Variants in NTRK2 observed in about 807,000 individuals in gnomAD.
The protein encoded by NTRK2 is BDNF/NT-3 growth factors receptor.
Under a neutral mutation model 94.5 loss-of-function variants are expected in NTRK2, and 13 were observed. The ratio of observed to expected loss-of-function variants is 0.14; its 90% CI spans 0.09 to 0.22. NTRK2 has a LOEUF of 0.22. Ranked by LOEUF, NTRK2 falls within the 10% of genes least tolerant of loss-of-function variation. The pLI is 1.00. For missense variants in NTRK2, 639 were observed against 1,071.2 expected, an observed-to-expected ratio of 0.60 and a Z score of 5.63; for synonymous variants, 372 against 407.4, an observed-to-expected ratio of 0.91 and a Z score of 1.05.
chr9:84,877,852 C>T, intron 14 of NTRK2: 6 of 1,038,064 alleles, frequency 5.8e-6, no homozygotes, highest in Non-Finnish European at 7.0e-6. Flanking sequence ...TGTAGTTGAT[C>T]ATTCAGAGCC....
At chr9:84,749,092 G>C (rs993610875) in intron 11 of NTRK2, among the ~76,000 whole-genome samples, 2 of 152,160 alleles carry the variant, frequency 1.3e-5, no homozygotes, top group African/African-American at 4.8e-5. Context: ...GCCAGGTGTG[G>C]TGGCACATGC....
At chr9:84,770,061 GT>G (rs2066389981) in intron 12 of NTRK2, among the ~76,000 whole-genome samples, 1 of 151,816 alleles carries the variant, frequency 6.6e-6, no homozygotes, top group Admixed American at 6.6e-5. Context: ...TTCTGCATAT[GT>G]TTGCTTCTGA....
intron 14 of NTRK2, among the ~76,000 whole-genome samples, chr9:84,928,319 C>T (rs1370257127): frequency 6.6e-6 from 1 of 152,140 alleles, no homozygotes; most frequent in African/African-American, 2.4e-5. Flanking sequence ...TATTTTATAT[C>T]AAGTTCAAGC....
chr9:84,929,310 C>G (rs1024264307), intron 14 of NTRK2, among the ~76,000 whole-genome samples: 2 of 152,146 alleles, frequency 1.3e-5, no homozygotes, highest in African/African-American at 4.8e-5. Context: ...TTCTGGCACT[C>G]ATGGGACAAA....
chr9:84,882,726 G>A lies in NTRK2; in HGVS notation c.1633+15295G>A, dbSNP rs574531892. 7.3e-5 allele frequency among the ~76,000 whole-genome samples: 11 copies of A among 151,624 alleles called. 1 individual carries two copies. Among genetic ancestry groups the A allele is most frequent in the Middle Eastern group, 6.8e-3 (2 of 294 alleles). On this transcript the variant is annotated intron_variant, in intron 14 of 18. Coordinates refer to ENST00000277120, the MANE Select transcript of NTRK2 (RefSeq NM_006180.6). Reference sequence around the variant, plus strand: ...TGTGTGTGTGTGTGTGTGTGCGCGCGCGCGCGCATGTGTGCATTATAATAA... The same window carrying A: ...TGTGTGTGTGTGTGTGTGTGCGCGCACGCGCGCATGTGTGCATTATAATAA...
intron 18 of NTRK2, 77 bp downstream of exon 18, chr9:85,020,441 G>T (rs2117959452): frequency 1.3e-6 from 2 of 1,511,260 alleles, no homozygotes; most frequent in South Asian, 2.3e-5. Flanking sequence ...CCTTGTTTTG[G>T]GTTGGAAGAC....
At chr9:84,940,018 C>G (rs111955088) in intron 15 of NTRK2, among the ~76,000 whole-genome samples, 2 of 152,172 alleles carry the variant, frequency 1.3e-5, no homozygotes, top group Non-Finnish European at 2.9e-5. Context: ...AGGGATGACT[C>G]CTATTGGCTT....
chr9:84,752,786 C>A (rs2064755144), intron 12 of NTRK2, among the ~76,000 whole-genome samples: 1 of 151,996 alleles, frequency 6.6e-6, no homozygotes, highest in African/African-American at 2.4e-5. Context: ...GATTTAAAAC[C>A]ATTTGCTCTG....
chr9:84,900,486 GA>G (rs1187541706), intron 14 of NTRK2, among the ~76,000 whole-genome samples: 1 of 152,160 alleles, frequency 6.6e-6, no homozygotes, highest in Admixed American at 6.5e-5. Flanking sequence ...GAAACCCCAT[GA>G]AAAGTACTGA....
chr9:84,692,886 G>A (rs1465490790), intron 2 of NTRK2, among the ~76,000 whole-genome samples: 1 of 152,130 alleles, frequency 6.6e-6, no homozygotes, highest in Non-Finnish European at 1.5e-5. Flanking sequence ...ATTAGTTGGA[G>A]CATTAAAGTC....
chr9:84,771,424 G>C (rs1278283675), intron 12 of NTRK2, among the ~76,000 whole-genome samples: 1 of 152,114 alleles, frequency 6.6e-6, no homozygotes, highest in African/African-American at 2.4e-5. Context: ...GAAAATGAAG[G>C]GATAATGGCA....
chr9:84,704,882 A>G (rs1182795789), intron 4 of NTRK2, among the ~76,000 whole-genome samples: 1 of 152,154 alleles, frequency 6.6e-6, no homozygotes, highest in East Asian at 1.9e-4. Context: ...GAAGGAAGGA[A>G]TTAAGTCAGG....
chr9:84,816,420 G>A (rs1384163348), intron 12 of NTRK2, among the ~76,000 whole-genome samples: 1 of 152,012 alleles, frequency 6.6e-6, no homozygotes, highest in South Asian at 2.1e-4. Context: ...CAGACTTAGG[G>A]ATTGGAAAAA....
chr9:84,749,087 G>T (rs757122152), intron 11 of NTRK2, among the ~76,000 whole-genome samples: 2 of 152,156 alleles, frequency 1.3e-5, no homozygotes, highest in Non-Finnish European at 2.9e-5. Flanking sequence ...AATTAGCCAG[G>T]TGTGGTGGCA....
At chr9:84,794,957 C>A (rs1303901988) in intron 12 of NTRK2, among the ~76,000 whole-genome samples, 1 of 152,126 alleles carries the variant, frequency 6.6e-6, no homozygotes, top group East Asian at 1.9e-4. Flanking sequence ...TGAAACTCCT[C>A]CCTAGCCTGG....
At chr9:84,874,958 T>C in intron 14 of NTRK2, 4 of 1,055,770 alleles carry the variant, frequency 3.8e-6, no homozygotes, top group Non-Finnish European at 4.6e-6. Flanking sequence ...TGCCTTCAAG[T>C]GCCCTAAAAT....
intron 17 of NTRK2, among the ~76,000 whole-genome samples, chr9:85,009,132 G>A (rs1434237161): frequency 6.6e-6 from 1 of 152,196 alleles, no homozygotes; most frequent in Non-Finnish European, 1.5e-5. Context: ...GAGTCTGACT[G>A]GGTAGCCTTT....
chr9:84,891,192 C>T (rs1163278697), intron 14 of NTRK2, among the ~76,000 whole-genome samples: 3 of 151,892 alleles, frequency 2.0e-5, no homozygotes, highest in Non-Finnish European at 2.9e-5. Context: ...CTCATGGATG[C>T]TTGTGCTTCT....
chr9:84,690,529 A>T (rs925303197), intron 2 of NTRK2, among the ~76,000 whole-genome samples: 3 of 141,074 alleles, frequency 2.1e-5, no homozygotes, highest in Admixed American at 7.7e-5. Context: ...AAGACATTTT[A>T]AAAAATGATA....
Sources: allele counts gnomAD v4.1 joint callset (sites outside exome capture counted in the v4.1 genomes callset), GRCh38; gene constraint gnomAD v4.1.1; transcripts MANE v1.5; gene names NCBI Gene and HGNC (gene_info 2026-07-23, HGNC 2026-07-21).